The following MSL3B variants were observed in gnomAD, a reference collection of about 807,000 sequenced individuals.
MSL3B encodes MSL complex subunit 3B, also known as MSL complex subunit 3 pseudogene 1.
At chr2:233,866,782 GCTC>G in the MSL3B span, 2 of 820,492 alleles carry the variant, frequency 2.4e-6, no homozygotes, top group Non-Finnish European at 4.4e-6. Context: ...GCTTCTCCTG[GCTC>G]CTATTAGTAT....
chr2:233,866,866 G>A, the MSL3B span: 6 of 1,376,648 alleles, frequency 4.4e-6, no homozygotes, highest in East Asian at 1.4e-4. Context: ...CTTGTTCATA[G>A]GGATAGAGTA....
the MSL3B span, chr2:233,868,365 G>A: frequency 1.8e-4 from 28 of 159,822 alleles, no homozygotes; most frequent in Non-Finnish European, 2.5e-4. Context: ...GCTTGCGTCC[G>A]CGTCCCGGGC....
the MSL3B span, chr2:233,865,809 G>T: frequency 2.8e-5 from 5 of 176,640 alleles, no homozygotes; most frequent in Non-Finnish European, 6.0e-5. Flanking sequence ...CTGACTAACT[G>T]CAATGTCTGC....
the MSL3B span, chr2:233,866,398 G>A: frequency 5.0e-5 from 53 of 1,051,600 alleles, no homozygotes; most frequent in South Asian, 3.0e-4. Context: ...TGTCAGGTAC[G>A]AGCTTCCAGG....
At chr2:233,866,571 G>A in the MSL3B span, 4 of 887,748 alleles carry the variant, frequency 4.5e-6, no homozygotes, top group South Asian at 5.2e-5. Flanking sequence ...GACATGTCCT[G>A]CTGCCAGCGC....
At chr2:233,866,411 A>T in the MSL3B span, 4 of 1,134,510 alleles carry the variant, frequency 3.5e-6, no homozygotes, top group Non-Finnish European at 5.4e-6. Flanking sequence ...CTTCCAGGAG[A>T]GGACCTCATT....
the MSL3B span, chr2:233,867,313 G>A: frequency 1.4e-6 from 1 of 694,610 alleles, no homozygotes; most frequent in Non-Finnish European, 2.6e-6. Context: ...TGCTTAATGA[G>A]TTTTCATCAT....
chr2:233,866,849 T>C, the MSL3B span: 1 of 1,215,752 alleles, frequency 8.2e-7, no homozygotes, highest in Non-Finnish European at 1.2e-6. Context: ...CACCTTTTTA[T>C]ACTGAGCTTG....
the MSL3B span, chr2:233,867,015 C>T: frequency 7.8e-7 from 1 of 1,279,984 alleles, no homozygotes; most frequent in Non-Finnish European, 1.1e-6. Context: ...CGAGGCCTCT[C>T]ATTGGCTGAA....
the MSL3B span, chr2:233,866,474 T>C: frequency 1.6e-6 from 2 of 1,272,632 alleles, no homozygotes; most frequent in East Asian, 4.6e-5. Flanking sequence ...ACTCCCTTCC[T>C]GGCTAGGAGT....
At chr2:233,864,792 GC>G in the MSL3B span, among the ~76,000 whole-genome samples, 1 of 152,148 alleles carries the variant, frequency 6.6e-6, no homozygotes, top group East Asian at 1.9e-4. Flanking sequence ...AAACTCCAGT[GC>G]TCTAACCTCA....
chr2:233,867,506 G>A, the MSL3B span: 1 of 314,058 alleles, frequency 3.2e-6, no homozygotes, highest in Non-Finnish European at 6.0e-6. Flanking sequence ...CAAGAGTTTC[G>A]GTATTGTTGC....
At chr2:233,867,500 A>G in the MSL3B span, 1 of 322,288 alleles carries the variant, frequency 3.1e-6, no homozygotes, top group Non-Finnish European at 5.8e-6. Context: ...TTGTGACAAG[A>G]GTTTCGGTAT....
At chr2:233,866,549 G>A in the MSL3B span, 1 of 994,530 alleles carries the variant, frequency 1.0e-6, no homozygotes, top group Non-Finnish European at 1.6e-6. Context: ...GAACAGCTTG[G>A]GCACACTGGT....
At chr2:233,867,789 A>ATTTTT in the MSL3B span, among the ~76,000 whole-genome samples, 4 of 72,822 alleles carry the variant, frequency 5.5e-5, no homozygotes, top group East Asian at 7.1e-4. Context: ...CTAATCTACG[A>ATTTTT]TTTTTTTTTT....
the MSL3B span, chr2:233,868,238 G>C: frequency 2.5e-6 from 1 of 398,812 alleles, no homozygotes; most frequent in South Asian, 2.2e-5. Flanking sequence ...AATCTAGGTC[G>C]GACGGCGTCC....
chr2:233,868,108 C>G, the MSL3B span: 1 of 329,424 alleles, frequency 3.0e-6, no homozygotes, highest in South Asian at 3.0e-5. Context: ...TTTCACTGGG[C>G]TCACGAAGCA....
the MSL3B span, chr2:233,867,396 G>A: frequency 1.9e-6 from 1 of 530,476 alleles, no homozygotes; most frequent in South Asian, 2.1e-5. Context: ...TGGAGCGGCT[G>A]CTTCTTTCTC....
the MSL3B span, chr2:233,866,512 C>T: frequency 3.3e-6 from 4 of 1,214,548 alleles, no homozygotes; most frequent in Admixed American, 6.8e-5. Context: ...ATCTGCTATG[C>T]ACAGGTGTCT....
Sources: gnomAD v4.1 joint callset for allele counts (sites outside exome capture counted in the v4.1 genomes callset) on GRCh38, gnomAD v4.1.1 for gene constraint, MANE v1.5 for transcripts, NCBI Gene and HGNC (gene_info 2026-07-23, HGNC 2026-07-21) for gene names.